Variants in ATL3 observed in about 807,000 individuals in gnomAD.
ATL3 encodes atlastin GTPase 3, also known as atlastin-3.
A neutral mutation model predicts 69.5 loss-of-function variants in ATL3; 49 were observed. The observed-to-expected ratio is 0.71, with a 90% confidence interval of 0.56 to 0.89. The LOEUF (loss-of-function observed/expected upper bound fraction) is 0.89, where lower values mean the gene tolerates loss of function less well. Among genes scored for constraint, ATL3 ranks in the 40% least tolerant of loss-of-function variants. The pLI is 0.00. For synonymous variants in ATL3, 214 were observed against 224.1 expected (o/e 0.95, Z 0.40); for missense variants, 606 against 645.7 (o/e 0.94, Z 0.67).
Position 63,635,555 on chromosome 11 carries a change from A to G in ATL3, c.1014T>C (p.Pro338=), listed in dbSNP as rs1277920232. ...TTACCTGAAGCATGGACTTGGGGTGAGGCAGATCTTCTCCTTGATAAATTT... is the reference window on the plus strand; with the variant it reads ...TTACCTGAAGCATGGACTTGGGGTGGGGCAGATCTTCTCCTTGATAAATTT... The part of the protein sequence containing the change: ...YIKIYQGEDL[P]HPKSMLQATA... The change falls in exon 10 of 13, where the codon CCT becomes CCC. Residue 338 remains proline, a synonymous_variant. Coordinates refer to ENST00000398868, the MANE Select transcript of ATL3 (RefSeq NM_015459.5). 5 of 1,612,492 alleles carry G rather than the reference A, an allele frequency of 3.1e-6. No homozygotes were observed. Among genetic ancestry groups the G allele is most frequent in the Non-Finnish European group, 4.2e-6 (5 of 1,178,684 alleles).
chr11:63,648,259 G>C (rs1045809630), intron 5 of ATL3, among the ~76,000 whole-genome samples: 1 of 152,096 alleles, frequency 6.6e-6, no homozygotes, highest in African/African-American at 2.4e-5. Context: ...CACCCTACTG[G>C]TTGCCACAGC....
In ATL3 at chr11:63,629,288, T is replaced by C. The variant is rs759089879; in HGVS notation, c.*31A>G. On this transcript the variant is annotated 3_prime_UTR_variant, in exon 13 of 13. Transcript: ENST00000398868. ...AACCCAGAAATCAGTAGGGGCTTGTTGTGTTCTTGTTTGATCTTCACGTTA... is the reference window on the plus strand; with the variant it reads ...AACCCAGAAATCAGTAGGGGCTTGTCGTGTTCTTGTTTGATCTTCACGTTA... The C allele has an allele frequency of 6.3e-7, 1 of 1,577,570 alleles. No individual in the cohort carries two copies. The highest frequency in any genetic ancestry group is 1.3e-5 in the African/African-American group (1 of 74,156).
intron 1 of ATL3, among the ~76,000 whole-genome samples, chr11:63,665,750 T>C (rs889759847): frequency 6.6e-6 from 1 of 151,746 alleles, no homozygotes; most frequent in African/African-American, 2.4e-5. Flanking sequence ...TTAACCAGGC[T>C]TGGTGGTAAC....
chr11:63,630,662 G>A (rs1387856100), intron 12 of ATL3, among the ~76,000 whole-genome samples: 1 of 151,222 alleles, frequency 6.6e-6, no homozygotes, highest in East Asian at 2.0e-4. Context: ...GGGCCGTGGT[G>A]GCACACACCT....
chr11:63,649,112 G>A (rs1939986259), intron 5 of ATL3, among the ~76,000 whole-genome samples: 1 of 152,108 alleles, frequency 6.6e-6, no homozygotes, highest in African/African-American at 2.4e-5. Flanking sequence ...GCAACTGAGG[G>A]AGACTCCATC....
At chr11:63,669,189 G>C (rs903891152) in intron 1 of ATL3, among the ~76,000 whole-genome samples, 1 of 151,992 alleles carries the variant, frequency 6.6e-6, no homozygotes, top group Non-Finnish European at 1.5e-5. Flanking sequence ...CTTCTAATCT[G>C]TTAACATACT....
In ATL3 at chr11:63,626,400, A is replaced by G. The variant is rs1939114208; in HGVS notation, c.*2919T>C. 6.6e-6 allele frequency: 1 copy of G among 152,136 alleles called. No homozygotes were observed. The highest frequency in any genetic ancestry group is 2.1e-4 in the South Asian group (1 of 4,826). The allele number at this position is 152,136 out of a possible 1,614,324, so 9.4% of individuals were successfully genotyped here. ...GTCTCAAAAAATAAAATAAAATAAA[A>G]CAAGGCATGACTCTGAAGGTGTTTT... On this transcript the variant is annotated 3_prime_UTR_variant, in exon 13 of 13. Transcript: ENST00000398868.
Position 63,659,059 on chromosome 11 carries a change from C to T in ATL3, c.240G>A (p.Met80Ile). The T allele has an allele frequency of 6.2e-7, 1 of 1,614,044 alleles. No individual in the cohort carries two copies. Among genetic ancestry groups the T allele is most frequent in the Non-Finnish European group, 8.5e-7 (1 of 1,179,988 alleles). ...TTACCTGAGAATATAAGTATCGTAG[C>T]ATAAAATCCAGAATGAAGGACTTGC... Reference protein sequence around the residue: ...RKGKSFILDFMLRYLYSQKES... With the variant: ...RKGKSFILDFILRYLYSQKES... The change falls in exon 2 of 13, where the codon ATG becomes ATA. Residue 80 changes from methionine (M) to isoleucine (I), a missense_variant. Transcript: ENST00000398868.
chr11:63,664,076 GT>G (rs1160342432), intron 1 of ATL3, among the ~76,000 whole-genome samples: 1 of 152,164 alleles, frequency 6.6e-6, no homozygotes, highest in African/African-American at 2.4e-5. Flanking sequence ...TGCCATATTG[GT>G]TCACTTCTGT....
rs1056395408 is a variant in ATL3 at position 63,627,580 on chromosome 11, T to C, written c.*1739A>G. ...CACTCAGATCTTACCTTCATGTATA[T>C]AAAATTTACACTCTTACCTCCCTCC... On this transcript the variant is annotated 3_prime_UTR_variant, in exon 13 of 13. Transcript: ENST00000398868. The C allele has an allele frequency of 4.6e-5, 7 of 152,202 alleles. No individual in the cohort carries two copies. The highest frequency in any genetic ancestry group is 3.9e-4 in the Admixed American group (6 of 15,274). 9.4% of individuals were successfully genotyped at this position (152,202 alleles called of 1,614,324 possible).
At chr11:63,655,682 G>C (rs1457453263) in intron 3 of ATL3, among the ~76,000 whole-genome samples, 2 of 151,856 alleles carry the variant, frequency 1.3e-5, no homozygotes, top group African/African-American at 4.8e-5. Flanking sequence ...CCTGACTTCA[G>C]GTGATCCACC....
chr11:63,659,627 G>A (rs1469600535), intron 1 of ATL3, among the ~76,000 whole-genome samples: 25 of 151,330 alleles, frequency 1.7e-4, no homozygotes, highest in South Asian at 2.1e-4. Flanking sequence ...AACAAAAAAC[G>A]GACACAAAAA....
intron 3 of ATL3, among the ~76,000 whole-genome samples, chr11:63,657,829 C>T (rs1236044368): frequency 1.3e-5 from 2 of 149,398 alleles, no homozygotes; most frequent in African/African-American, 4.9e-5. Context: ...CAGTGGAAAA[C>T]ACAATATGAA....
At chr11:63,633,232 G>T in intron 10 of ATL3, 135 bp from the exon 11 acceptor site, 1 of 683,462 alleles carries the variant, frequency 1.5e-6, no homozygotes. Flanking sequence ...TTTCCATATA[G>T]TTCAACTGAT....
chr11:63,632,589 C>T (rs1395284286), intron 11 of ATL3: 2 of 857,922 alleles, frequency 2.3e-6, no homozygotes, highest in Non-Finnish European at 4.1e-6. Flanking sequence ...CTACAGAATT[C>T]TACAGATTCC....
chr11:63,647,880 G>A (rs1190784322), intron 5 of ATL3, among the ~76,000 whole-genome samples: 2 of 152,188 alleles, frequency 1.3e-5, no homozygotes, highest in Non-Finnish European at 2.9e-5. Flanking sequence ...TCTCTGTTCT[G>A]CTAAGAAATC....
chr11:63,658,882 C>A lies in ATL3; in HGVS notation c.284G>T (p.Trp95Leu), dbSNP rs1270425581. 6.2e-7 allele frequency: 1 copy of A among 1,604,542 alleles called. No individual in the cohort carries two copies. Among genetic ancestry groups the A allele is most frequent in the Non-Finnish European group, 8.5e-7 (1 of 1,177,212 alleles). ...TAACGGTTCTTCTGGGTCACCCAAC[C>A]AATTTGAATGGCCACTTTCCTTCTA... ...YSQKESGHSN[W>L]LGDPEEPLTG... Residue 95 changes from tryptophan to leucine, a missense_variant, in exon 3 of 13, where the codon TGG (tryptophan) becomes TTG (leucine). Trp to Leu is a moderately conservative substitution (Grantham distance 61). Transcript: ENST00000398868.
Position 63,624,767 on chromosome 11 carries a change from T to C in ATL3, c.*4552A>G, listed in dbSNP as rs1255557862. The C allele has an allele frequency of 6.6e-6, 1 of 152,236 alleles. No individual in the cohort carries two copies. The highest frequency in any genetic ancestry group is 1.5e-5 in the Non-Finnish European group (1 of 68,036). The allele number at this position is 152,236 out of a possible 1,614,324, so 9.4% of individuals were successfully genotyped here. A position where few individuals can be genotyped will look rare whatever the true frequency, so the allele number is the denominator to read the frequency against. Reference sequence around the variant, plus strand: ...GCTTTAAAGAGCTTAGATAATCCTCTGAATTAAAGGCATTCTTACTACTTC... The same window carrying C: ...GCTTTAAAGAGCTTAGATAATCCTCCGAATTAAAGGCATTCTTACTACTTC... On this transcript the variant is annotated 3_prime_UTR_variant, in exon 13 of 13. Coordinates refer to ENST00000398868, the MANE Select transcript of ATL3 (RefSeq NM_015459.5).
Position 63,625,980 on chromosome 11 carries a change from T to G in ATL3, c.*3339A>C, listed in dbSNP as rs1285598604. On this transcript the variant is annotated 3_prime_UTR_variant, in exon 13 of 13. Transcript: ENST00000398868. Reference sequence around the variant, plus strand: ...CTGGGTGACAGTACAAGAGTCCGTCTCAAAAAAAAAAAGGAATAAAGCGAA... The same window carrying G: ...CTGGGTGACAGTACAAGAGTCCGTCGCAAAAAAAAAAAGGAATAAAGCGAA... The G allele has an allele frequency of 6.8e-6, 1 of 147,438 alleles. No individual in the cohort carries two copies. The highest frequency in any genetic ancestry group is 2.5e-5 in the African/African-American group (1 of 39,608). The allele number at this position is 147,438 out of a possible 1,614,324, so 9.1% of individuals were successfully genotyped here.
Sources: allele counts gnomAD v4.1 joint callset (sites outside exome capture counted in the v4.1 genomes callset), GRCh38; gene constraint gnomAD v4.1.1; transcripts MANE v1.5; gene names NCBI Gene and HGNC (gene_info 2026-07-23, HGNC 2026-07-21).